CPNE4: variants seen among roughly 807,000 people sequenced by gnomAD.
CPNE4 encodes the protein copine-4.
CPNE4 carries 25 observed loss-of-function variants against 67.9 expected under a neutral mutation model. That is an observed-to-expected ratio of 0.37 (90% CI 0.27 to 0.51). The LOEUF (loss-of-function observed/expected upper bound fraction) is 0.51. Among genes scored for constraint, CPNE4 ranks in the 20% least tolerant of loss-of-function variants. CPNE4 has a pLI of 0.93. For missense variants in CPNE4, 464 were observed against 690.8 expected, an observed-to-expected ratio of 0.67 and a Z score of 3.68; for synonymous variants, 242 against 244.9, an observed-to-expected ratio of 0.99 and a Z score of 0.11.
At chr3:131,877,066 G>A (rs2087490481) in intron 2 of CPNE4, among the ~76,000 whole-genome samples, 1 of 151,100 alleles carries the variant, frequency 6.6e-6, no homozygotes, top group African/African-American at 2.4e-5. Context: ...TGCTTTAGGA[G>A]TTTCAAAGCT....
intron 2 of CPNE4, among the ~76,000 whole-genome samples, chr3:131,803,749 A>G (rs1374796614): frequency 6.6e-6 from 1 of 152,226 alleles, no homozygotes; most frequent in Non-Finnish European, 1.5e-5. Flanking sequence ...ATTTGTAAAC[A>G]TAAGGAACTA....
At chr3:131,747,801 G>A (rs952764195) in intron 2 of CPNE4, among the ~76,000 whole-genome samples, 1 of 152,082 alleles carries the variant, frequency 6.6e-6, no homozygotes, top group Non-Finnish European at 1.5e-5. Context: ...TATGTAAATA[G>A]GAACAGTTTT....
Position 131,992,789 on chromosome 3 carries a change from C to T in CPNE4, c.-2+41778G>A, listed in dbSNP as rs768635709. The stretch of plus-strand genomic sequence containing the variant: ...GTGGGAGGTAATTTAATCATGGAGG[C>T]AGTTACTCCCATGCCATTCTAGTGA... On this transcript the variant is annotated intron_variant, in intron 1 of 15. Coordinates refer to ENST00000429747, the MANE Select transcript of CPNE4 (RefSeq NM_130808.3). Among the ~76,000 whole-genome samples the T allele has an allele frequency of 2.9e-5, 4 of 135,810 alleles. 1 individual carries two copies. The highest frequency in any genetic ancestry group is 6.7e-5 in the Non-Finnish European group (4 of 59,766). The allele number at this position is 135,810 out of a possible 152,430, so 89.1% of individuals were successfully genotyped here.
intron 2 of CPNE4, among the ~76,000 whole-genome samples, chr3:131,768,545 T>C (rs1344838148): frequency 1.3e-5 from 2 of 152,122 alleles, no homozygotes; most frequent in African/African-American, 4.8e-5. Flanking sequence ...CTGGCTGAGA[T>C]TTTGGCTAAC....
chr3:131,712,186 G>T (rs927319539), intron 3 of CPNE4, among the ~76,000 whole-genome samples: 2 of 152,210 alleles, frequency 1.3e-5, no homozygotes, highest in East Asian at 1.9e-4. Context: ...GTCAGCATGC[G>T]GGTCTTATTA....
chr3:131,701,235 A>C (rs940095133), intron 3 of CPNE4, among the ~76,000 whole-genome samples: 1 of 152,048 alleles, frequency 6.6e-6, no homozygotes, highest in Admixed American at 6.6e-5. Flanking sequence ...CTAGAACTTA[A>C]AGTACAATTA....
At chr3:131,607,694 A>G (rs1582883335) in intron 7 of CPNE4, among the ~76,000 whole-genome samples, 1 of 152,304 alleles carries the variant, frequency 6.6e-6, no homozygotes, top group African/African-American at 2.4e-5. Flanking sequence ...TTCAAAGAGC[A>G]TCAGTACTAT....
intron 1 of CPNE4, among the ~76,000 whole-genome samples, chr3:131,975,909 T>C (rs1050978119): frequency 3.6e-4 from 54 of 152,074 alleles, no homozygotes; most frequent in Admixed American, 6.6e-5. Flanking sequence ...TAAACAAACA[T>C]AATAAACAAT....
At chr3:131,593,499 A>G (rs1246702784) in intron 7 of CPNE4, among the ~76,000 whole-genome samples, 1 of 152,176 alleles carries the variant, frequency 6.6e-6, no homozygotes, top group African/African-American at 2.4e-5. Flanking sequence ...TAATTCTTAT[A>G]TATTGATTTT....
rs77697619 is a variant in CPNE4, at chr3:131,906,134, C to G, written c.-1-690G>C. Among the ~76,000 whole-genome samples the G allele has an allele frequency of 3.0e-3, 455 of 152,044 alleles. 1 individual carries two copies. Among genetic ancestry groups the G allele is most frequent in the African/African-American group, 0.011 (441 of 41,540 alleles). On this transcript the variant is annotated intron_variant, in intron 1 of 15. Transcript: ENST00000429747. ...GCTTCCTATTCTGAACTTGTGGAAACAGCAGCTACATTTAAGCACTGCAGG... is the reference window on the plus strand; with the variant it reads ...GCTTCCTATTCTGAACTTGTGGAAAGAGCAGCTACATTTAAGCACTGCAGG...
chr3:131,801,446 G>GTATATATATATA (rs1331072183), intron 2 of CPNE4, among the ~76,000 whole-genome samples: 24 of 85,190 alleles, frequency 2.8e-4, no homozygotes, highest in African/African-American at 1.1e-3. Flanking sequence ...GTGTGTGTGT[G>GTATATATATATA]TGTGTGTATA....
intron 7 of CPNE4, among the ~76,000 whole-genome samples, chr3:131,597,976 G>A (rs1476106857): frequency 1.3e-5 from 2 of 152,190 alleles, no homozygotes; most frequent in East Asian, 1.9e-4. Context: ...TTCTCTGAGT[G>A]TTTGGCCCTG....
intron 2 of CPNE4, among the ~76,000 whole-genome samples, chr3:131,762,848 T>C (rs1236647808): frequency 2.0e-5 from 3 of 151,746 alleles, no homozygotes; most frequent in African/African-American, 7.2e-5. Flanking sequence ...ATCATGAGTG[T>C]CAGCAAAGGT....
chr3:131,885,966 A>AT (rs958008700), intron 2 of CPNE4, among the ~76,000 whole-genome samples: 4 of 152,246 alleles, frequency 2.6e-5, no homozygotes, highest in Non-Finnish European at 5.9e-5. Flanking sequence ...AGAAAATCCC[A>AT]TTTTTTGAAG....
At chr3:131,975,058 A>T (rs925273752) in intron 1 of CPNE4, among the ~76,000 whole-genome samples, 2 of 152,132 alleles carry the variant, frequency 1.3e-5, no homozygotes, top group Non-Finnish European at 2.9e-5. Flanking sequence ...GAGAACCATC[A>T]AATTTTTTTC....
At chr3:132,026,847 G>A (rs2074125424) in intron 1 of CPNE4, among the ~76,000 whole-genome samples, 1 of 147,420 alleles carries the variant, frequency 6.8e-6, no homozygotes, top group Non-Finnish European at 1.5e-5. Context: ...TATATATATG[G>A]TTTAATCTCC....
At chr3:131,549,392 G>A (rs3762431) in intron 14 of CPNE4, among the ~76,000 whole-genome samples, 23,696 of 152,062 alleles carry the variant, frequency 0.16, 1,959 homozygotes, top group African/African-American at 0.21. Context: ...AGAAGTTATT[G>A]TGGTAATATA....
intron 13 of CPNE4, among the ~76,000 whole-genome samples, chr3:131,552,027 C>A (rs1189998682): frequency 6.8e-6 from 1 of 147,762 alleles, no homozygotes; most frequent in African/African-American, 2.5e-5. Context: ...TTTCCATGTT[C>A]CCCCCTCTCC....
intron 11 of CPNE4, among the ~76,000 whole-genome samples, 167 bp downstream of exon 11, chr3:131,564,049 G>A (rs1406315481): frequency 6.6e-6 from 1 of 152,050 alleles, no homozygotes; most frequent in Non-Finnish European, 1.5e-5. Context: ...TGACCAGCGT[G>A]AGCAAGGTAC....
Sources: gnomAD v4.1 joint callset for allele counts (sites outside exome capture counted in the v4.1 genomes callset) on GRCh38, gnomAD v4.1.1 for gene constraint, MANE v1.5 for transcripts, NCBI Gene and HGNC (gene_info 2026-07-23, HGNC 2026-07-21) for gene names.